Variants in GALNT10 observed in about 807,000 individuals in gnomAD.
The protein encoded by GALNT10 is polypeptide N-acetylgalactosaminyltransferase 10, also known as GalNAc transferase 10.
In GALNT10, 41 loss-of-function variants were observed where a neutral mutation model predicts 75.0. That is an observed-to-expected ratio of 0.55 (90% CI 0.43 to 0.71). The LOEUF is 0.71. GALNT10 is among the 30% of genes least tolerant of loss of function. The pLI is 0.00. For missense variants in GALNT10, 727 were observed against 818.5 expected (o/e 0.89, Z 1.36); for synonymous variants, 302 against 313.0 (o/e 0.96, Z 0.37).
intron 1 of GALNT10, among the ~76,000 whole-genome samples, chr5:154,212,148 T>C (rs191678859): frequency 1.3e-5 from 2 of 152,276 alleles, no homozygotes; most frequent in East Asian, 3.9e-4. Flanking sequence ...CTGAAATTGC[T>C]CATAAAAACC....
At chr5:154,355,606 T>C (rs1440289502) in intron 4 of GALNT10, among the ~76,000 whole-genome samples, 1 of 152,250 alleles carries the variant, frequency 6.6e-6, no homozygotes, top group Non-Finnish European at 1.5e-5. Context: ...GCAGCTGCCA[T>C]TGCATGTCAA....
chr5:154,339,559 C>G (rs1754997843), intron 4 of GALNT10, among the ~76,000 whole-genome samples: 1 of 149,026 alleles, frequency 6.7e-6, no homozygotes, highest in Non-Finnish European at 1.5e-5. Flanking sequence ...AAATGATTTA[C>G]TGGGAGAGCA....
intron 1 of GALNT10, among the ~76,000 whole-genome samples, chr5:154,238,358 AT>A (rs1753280366): frequency 6.6e-6 from 1 of 151,074 alleles, no homozygotes. Context: ...CCTGGATATT[AT>A]TTTTTAGGCA....
chr5:154,253,270 T>C (rs1181197321), intron 1 of GALNT10, among the ~76,000 whole-genome samples: 1 of 151,638 alleles, frequency 6.6e-6, no homozygotes, highest in Admixed American at 6.6e-5. Context: ...GAAACCATCA[T>C]TCTCAGCAAA....
intron 6 of GALNT10, among the ~76,000 whole-genome samples, chr5:154,382,723 G>T (rs951565667): frequency 6.6e-6 from 1 of 152,140 alleles, no homozygotes; most frequent in Admixed American, 6.5e-5. Flanking sequence ...TAACCAAGGG[G>T]GTAATTAGAA....
At chr5:154,229,532 T>C (rs1166963058) in intron 1 of GALNT10, among the ~76,000 whole-genome samples, 1 of 151,892 alleles carries the variant, frequency 6.6e-6, no homozygotes, top group Non-Finnish European at 1.5e-5. Context: ...ATCGAGACCA[T>C]CTTGGCTAAC....
chr5:154,196,193 G>A (rs1774936845), intron 1 of GALNT10, among the ~76,000 whole-genome samples: 1 of 152,162 alleles, frequency 6.6e-6, no homozygotes, highest in East Asian at 1.9e-4. Context: ...AAAGTGCTGG[G>A]ATTACAGGCG....
intron 1 of GALNT10, among the ~76,000 whole-genome samples, chr5:154,294,159 G>T (rs1405797824): frequency 6.6e-6 from 1 of 152,134 alleles, no homozygotes; most frequent in Non-Finnish European, 1.5e-5. Flanking sequence ...GGGTAACATA[G>T]GGTGACCCCT....
At chr5:154,267,485 G>A (rs988103860) in intron 1 of GALNT10, among the ~76,000 whole-genome samples, 1 of 152,192 alleles carries the variant, frequency 6.6e-6, no homozygotes, top group African/African-American at 2.4e-5. Context: ...GAGGATGATT[G>A]GAGTTCTTCA....
At chr5:154,373,808 C>A (rs1001157521) in intron 4 of GALNT10, among the ~76,000 whole-genome samples, 3 of 152,136 alleles carry the variant, frequency 2.0e-5, no homozygotes, top group Non-Finnish European at 2.9e-5. Flanking sequence ...TCTGACTTTA[C>A]CACAAGCTGT....
intron 4 of GALNT10, among the ~76,000 whole-genome samples, chr5:154,342,474 G>A (rs185939691): frequency 8.5e-5 from 13 of 152,304 alleles, no homozygotes; most frequent in Non-Finnish European, 1.3e-4. Flanking sequence ...ATACTGATTC[G>A]GTGGTTCTAG....
At chr5:154,206,877 G>C (rs1487041080) in intron 1 of GALNT10, among the ~76,000 whole-genome samples, 1 of 152,222 alleles carries the variant, frequency 6.6e-6, no homozygotes, top group Non-Finnish European at 1.5e-5. Flanking sequence ...CCTCAGAAAG[G>C]TAACTACGGC....
chr5:154,272,903 A>G (rs1391865480), intron 1 of GALNT10, among the ~76,000 whole-genome samples: 1 of 150,546 alleles, frequency 6.6e-6, no homozygotes, highest in Non-Finnish European at 1.5e-5. Flanking sequence ...TGCAGGGGCC[A>G]GATCATAGCT....
intron 10 of GALNT10, among the ~76,000 whole-genome samples, chr5:154,414,405 G>A (rs891183007): frequency 3.9e-5 from 6 of 152,114 alleles, no homozygotes; most frequent in African/African-American, 1.4e-4. Flanking sequence ...AATAACAAGC[G>A]ATGAATTATT....
intron 1 of GALNT10, among the ~76,000 whole-genome samples, chr5:154,215,765 C>T (rs886339893): frequency 2.0e-5 from 3 of 152,158 alleles, no homozygotes; most frequent in Non-Finnish European, 2.9e-5. Context: ...TAGCCAGTCT[C>T]CAAAGTGTTT....
At chr5:154,313,165 C>A (rs914003096) in intron 3 of GALNT10, among the ~76,000 whole-genome samples, 4 of 151,884 alleles carry the variant, frequency 2.6e-5, no homozygotes, top group African/African-American at 9.7e-5. Context: ...AAAAATTAGC[C>A]GGGCGTGATG....
intron 4 of GALNT10, chr5:154,338,298 C>T (rs1754975077): frequency 3.2e-6 from 2 of 616,688 alleles, no homozygotes; most frequent in South Asian, 1.7e-5. Flanking sequence ...CTCCTTACCA[C>T]ACAATCTCTG....
In GALNT10 at chr5:154,224,751, C is replaced by CAGTCTCT. The variant is rs545246555; in HGVS notation, c.159+33727_159+33733dup. Reference sequence around the variant, plus strand: ...TGAAGATACAGTGGACAACAGAACACAGTCTCTGTCTACAAGAAGCTCACT... The same window carrying CAGTCTCT: ...TGAAGATACAGTGGACAACAGAACACAGTCTCTAGTCTCTGTCTACAAGAAGCTCACT... On this transcript the variant is annotated intron_variant, in intron 1 of 11. Coordinates refer to ENST00000297107, the MANE Select transcript of GALNT10 (RefSeq NM_198321.4). Among the ~76,000 whole-genome samples the CAGTCTCT allele has an allele frequency of 1.0e-3, 156 of 150,312 alleles. 1 individual carries two copies. Among genetic ancestry groups the CAGTCTCT allele is most frequent in the African/African-American group, 3.5e-3 (145 of 41,056 alleles).
intron 3 of GALNT10, among the ~76,000 whole-genome samples, chr5:154,306,741 AC>A (rs776355919): frequency 2.8e-4 from 43 of 151,542 alleles, no homozygotes; most frequent in African/African-American, 6.8e-4. Flanking sequence ...AACAACAACA[AC>A]AAAAAAAACT....
Sources: allele counts gnomAD v4.1 joint callset (sites outside exome capture counted in the v4.1 genomes callset), GRCh38; gene constraint gnomAD v4.1.1; transcripts MANE v1.5; gene names NCBI Gene and HGNC (gene_info 2026-07-23, HGNC 2026-07-21).